The following ASH2L variants were observed in gnomAD, a reference collection of about 807,000 sequenced individuals.
ASH2L encodes the protein ASH2 like, histone lysine methyltransferase complex subunit.
Under a neutral mutation model 81.1 loss-of-function variants are expected in ASH2L, and 30 were observed. The ratio of observed to expected loss-of-function variants is 0.37; its 90% CI spans 0.28 to 0.50. The LOEUF (loss-of-function observed/expected upper bound fraction) is 0.50, where lower values mean the gene tolerates loss of function less well. Among genes scored for constraint, ASH2L ranks in the 20% least tolerant of loss-of-function variants. ASH2L has a pLI of 0.95. For missense variants in ASH2L, 559 were observed against 792.1 expected, an observed-to-expected ratio of 0.71 and a Z score of 3.53; for synonymous variants, 273 against 279.9, an observed-to-expected ratio of 0.98 and a Z score of 0.24.
chr8:38,126,583 G>GGT (rs1446187954), intron 10 of ASH2L, among the ~76,000 whole-genome samples: 14 of 152,086 alleles, frequency 9.2e-5, no homozygotes, highest in African/African-American at 3.4e-4. Flanking sequence ...GGCCGGGCGC[G>GGT]GTGGCTCACG....
At chr8:38,121,824 T>C (rs1801641730) in intron 10 of ASH2L, among the ~76,000 whole-genome samples, 1 of 152,218 alleles carries the variant, frequency 6.6e-6, no homozygotes, top group Non-Finnish European at 1.5e-5. Flanking sequence ...TAGGTCTTAT[T>C]GGTTACGTTG....
Position 38,139,394 on chromosome 8 carries a change from T to G in ASH2L, c.*323T>G, listed in dbSNP as rs993095636. The G allele has an allele frequency of 3.3e-5, 7 of 211,242 alleles. No individual in the cohort carries two copies. Among genetic ancestry groups the G allele is most frequent in the Non-Finnish European group, 6.6e-5 (7 of 106,286 alleles). 13.1% of individuals were successfully genotyped at this position (211,242 alleles called of 1,614,324 possible). ...CCTACTATATTTTCTAAGGAGTGAA[T>G]AATATTGTCCGAGTAACTAACTTAT... On this transcript the variant is annotated 3_prime_UTR_variant, in exon 16 of 16. Coordinates refer to ENST00000343823, the MANE Select transcript of ASH2L (RefSeq NM_004674.5).
At position 38,119,288 on chromosome 8, in the gene ASH2L, G is replaced by C; in HGVS notation, c.872G>C (p.Ser291Thr). 6.4e-7 allele frequency: 1 copy of C among 1,550,980 alleles called. No individual in the cohort carries two copies. The highest frequency in any genetic ancestry group is 8.7e-7 in the Non-Finnish European group (1 of 1,146,720). Reference sequence around the variant, plus strand: ...TTCAAAGGGGGAATTGCAGCAGGAAGCAGCGGAAAAGGACGAGGAGCCAAG... The same window carrying C: ...TTCAAAGGGGGAATTGCAGCAGGAACCAGCGGAAAAGGACGAGGAGCCAAG... Reference protein sequence around the residue: ...GNLNGGIAAGSSGKGRGAKRK... With the variant: ...GNLNGGIAAGTSGKGRGAKRK... Residue 291 changes from serine (S) to threonine (T), a missense_variant, in exon 9 of 16, where the codon AGC (serine) becomes ACC (threonine). Physicochemically the swap from Ser to Thr is moderately conservative, Grantham distance 58 (BLOSUM62 1). Around this residue, in one of 4 missense-constraint regions of ASH2L, gnomAD observed 318 missense variants for 527.0 expected, o/e 0.60. Coordinates refer to ENST00000343823, the MANE Select transcript of ASH2L (RefSeq NM_004674.5).
In ASH2L at chr8:38,139,188, A is replaced by C; in HGVS notation, c.*117A>C. 1 of 848,238 alleles carries C rather than the reference A, an allele frequency of 1.2e-6. No individual in the cohort carries two copies. The highest frequency in any genetic ancestry group is 2.1e-5 in the South Asian group (1 of 48,042). The allele number at this position is 848,238 out of a possible 1,614,324, so 52.5% of individuals were successfully genotyped here. A position where few individuals can be genotyped will look rare whatever the true frequency, so the allele number is the denominator to read the frequency against. On this transcript the variant is annotated 3_prime_UTR_variant, in exon 16 of 16. Transcript: ENST00000343823. ...TGCTAAAAACACAGCCTCTCCTTTTAGCAAGTTAAAAGGCTGGGTAGGACT... is the reference window on the plus strand; with the variant it reads ...TGCTAAAAACACAGCCTCTCCTTTTCGCAAGTTAAAAGGCTGGGTAGGACT...
intron 10 of ASH2L, among the ~76,000 whole-genome samples, chr8:38,125,297 T>C (rs948440751): frequency 6.6e-6 from 1 of 152,186 alleles, no homozygotes; most frequent in Non-Finnish European, 1.5e-5. Flanking sequence ...TCACCCTATG[T>C]ACACTAAAAA....
chr8:38,113,603 G>A (rs1446726048), intron 5 of ASH2L, among the ~76,000 whole-genome samples: 1 of 152,146 alleles, frequency 6.6e-6, no homozygotes, highest in Non-Finnish European at 1.5e-5. Flanking sequence ...AGGGAGTCCT[G>A]ACTGAAGTGA....
At chr8:38,110,601 C>A (rs565641073) in intron 4 of ASH2L, 134 bp downstream of exon 4, 6 of 1,125,948 alleles carry the variant, frequency 5.3e-6, no homozygotes, top group Non-Finnish European at 7.9e-6. Flanking sequence ...TGAATAATTG[C>A]AATTGCCCAT....
chr8:38,108,952 C>G (rs1810571214), intron 3 of ASH2L, among the ~76,000 whole-genome samples: 1 of 152,098 alleles, frequency 6.6e-6, no homozygotes, highest in Non-Finnish European at 1.5e-5. Flanking sequence ...CGTGGTGGTT[C>G]ACATCTGTAG....
Position 38,128,849 on chromosome 8 carries a change from C to G in ASH2L, c.1425C>G (p.His475Gln). Residue 475 changes from histidine to glutamine, a missense_variant, in exon 12 of 16, where the codon CAC (histidine) becomes CAG (glutamine). Transcript: ENST00000343823. Reference protein sequence around the residue: ...GTKFHQSIGKHYSSGYGQGDV... With the variant: ...GTKFHQSIGKQYSSGYGQGDV... ...AGTTCCACCAGTCCATTGGCAAACACTACTCTTCTGGCTATGGACAGGGAG... is the reference window on the plus strand; with the variant it reads ...AGTTCCACCAGTCCATTGGCAAACAGTACTCTTCTGGCTATGGACAGGGAG... 1 of 1,614,158 alleles carries G rather than the reference C, an allele frequency of 6.2e-7. No homozygotes were observed. Among genetic ancestry groups the G allele is most frequent in the Non-Finnish European group, 8.5e-7 (1 of 1,180,026 alleles).
intron 7 of ASH2L, among the ~76,000 whole-genome samples, chr8:38,115,304 A>G (rs2130499014): frequency 1.3e-5 from 2 of 152,262 alleles, no homozygotes; most frequent in Admixed American, 1.3e-4. Context: ...AATTACTTCT[A>G]ATCTTCCTGC....
chr8:38,128,507 C>G (rs369139410), intron 11 of ASH2L, 49 bp downstream of exon 11: 1 of 1,591,364 alleles, frequency 6.3e-7, no homozygotes, highest in South Asian at 1.2e-5. Flanking sequence ...AGAGGATAGA[C>G]CATCTGGCCA....
intron 3 of ASH2L, 88 bp downstream of exon 3, chr8:38,107,254 C>T (rs942792158): frequency 7.8e-6 from 12 of 1,531,712 alleles, no homozygotes; most frequent in East Asian, 4.5e-5. Flanking sequence ...AAAATAAATG[C>T]AAAGTATTTC....
At position 38,139,468 on chromosome 8, in the gene ASH2L, C is replaced by T. The variant is rs11541107; in HGVS notation, c.*397C>T. The T allele has an allele frequency of 6.3e-6, 1 of 158,700 alleles. No homozygotes were observed. Among genetic ancestry groups the T allele is most frequent in the Non-Finnish European group, 1.4e-5 (1 of 72,120 alleles). 9.8% of individuals were successfully genotyped at this position (158,700 alleles called of 1,614,324 possible). On this transcript the variant is annotated 3_prime_UTR_variant, in exon 16 of 16. Transcript: ENST00000343823. ...GCATTGACTGTATCCCACCTGTTTTCCAAGGAAATGGTAACCTGTTTCTGA... is the reference window on the plus strand; with the variant it reads ...GCATTGACTGTATCCCACCTGTTTTTCAAGGAAATGGTAACCTGTTTCTGA...
rs148393935 is a variant in ASH2L, at chr8:38,120,962, C to A, written c.978C>A (p.Pro326=). 1.9e-6 allele frequency: 3 copies of A among 1,613,394 alleles called. No homozygotes were observed. The highest frequency in any genetic ancestry group is 2.5e-6 in the Non-Finnish European group (3 of 1,179,894). Residue 326 remains proline (P), a synonymous_variant, in exon 10 of 16, where the codon CCC becomes CCA. Coordinates refer to ENST00000343823, the MANE Select transcript of ASH2L (RefSeq NM_004674.5). The part of the protein sequence containing the change: ...SDPLFSAQRL[P]PHGYPLEHPF... Reference sequence around the variant, plus strand: ...CTTTGTTTTCTGCTCAGCGCCTTCCCCCTCATGGCTACCCATTGGAACACC... The same window carrying A: ...CTTTGTTTTCTGCTCAGCGCCTTCCACCTCATGGCTACCCATTGGAACACC...
chr8:38,105,738 G>A lies in ASH2L; in HGVS notation c.188G>A (p.Gly63Glu). ...VEPSSGEAEG[G>E]EANLVDVSGG... ...CCCAGTTCCGGGGAGGCTGAAGGCGGGTAAGAGGTCCTGCCGCCCGAGGAA... is the reference window on the plus strand; with the variant it reads ...CCCAGTTCCGGGGAGGCTGAAGGCGAGTAAGAGGTCCTGCCGCCCGAGGAA... The change falls in exon 1 of 16, where the codon GGG becomes GAG. Residue 63 changes from glycine to glutamate, a missense_variant and splice_region_variant. Physicochemically the swap from Gly to Glu is moderately conservative, Grantham distance 98. Around this residue, in one of 4 missense-constraint regions of ASH2L, gnomAD observed 145 missense variants for 115.5 expected, o/e 1.26. Transcript: ENST00000343823. The A allele has an allele frequency of 6.6e-7, 1 of 1,516,242 alleles. No individual in the cohort carries two copies. Among genetic ancestry groups the A allele is most frequent in the Non-Finnish European group, 8.8e-7 (1 of 1,135,278 alleles). 93.9% of individuals were successfully genotyped at this position (1,516,242 alleles called of 1,614,324 possible). A position where few individuals can be genotyped will look rare whatever the true frequency, so the allele number is the denominator to read the frequency against.
chr8:38,116,447 C>T (rs577379831), intron 7 of ASH2L, among the ~76,000 whole-genome samples: 3 of 152,056 alleles, frequency 2.0e-5, no homozygotes, highest in Non-Finnish European at 2.9e-5. Context: ...CCAAGAGAAT[C>T]GCTTGAACCT....
At chr8:38,122,776 G>C (rs937878179) in intron 10 of ASH2L, among the ~76,000 whole-genome samples, 10 of 152,104 alleles carry the variant, frequency 6.6e-5, no homozygotes, top group African/African-American at 2.4e-4. Flanking sequence ...ATAGAGATCA[G>C]AGTCTCACTC....
intron 8 of ASH2L, chr8:38,117,602 C>T: frequency 3.1e-6 from 1 of 323,550 alleles, no homozygotes; most frequent in Non-Finnish European, 4.4e-6. Context: ...GCGGCAATAG[C>T]ACTTAATATG....
At chr8:38,137,879 T>G (rs1585616699) in intron 14 of ASH2L, 1 of 152,076 alleles carries the variant, frequency 6.6e-6, no homozygotes, top group Non-Finnish European at 1.5e-5. Context: ...TAGAAGTTTA[T>G]TTTGCCAAAG....
Sources: gnomAD v4.1 joint callset for allele counts (sites outside exome capture counted in the v4.1 genomes callset) on GRCh38, gnomAD v4.1.1 for gene constraint, gnomAD v4.1.1 regional missense constraint, MANE v1.5 for transcripts, NCBI Gene and HGNC (gene_info 2026-07-23, HGNC 2026-07-21) for gene names.